The following MYO1H variants were observed in gnomAD, a reference collection of about 807,000 sequenced individuals.
MYO1H encodes unconventional myosin-Ih.
MYO1H carries 118 observed loss-of-function variants against 149.3 expected under a neutral mutation model. The ratio of observed to expected loss-of-function variants is 0.79; its 90% CI spans 0.68 to 0.92. The LOEUF is 0.92. MYO1H is among the 40% of genes least tolerant of loss of function. MYO1H has a pLI of 0.00. For missense variants in MYO1H, 1,212 were observed against 1,280.7 expected, an observed-to-expected ratio of 0.95 and a Z score of 0.82; for synonymous variants, 447 against 465.2, an observed-to-expected ratio of 0.96 and a Z score of 0.50.
chr12:109,406,925 G>T, intron 9 of MYO1H, 65 bp downstream of exon 9: 4 of 1,465,718 alleles, frequency 2.7e-6, no homozygotes, highest in Non-Finnish European at 3.8e-6. Context: ...CTCGATAACA[G>T]CAGGGTGGTG....
intron 8 of MYO1H, 35 bp from the exon 9 acceptor site, chr12:109,406,754 C>T (rs779637893): frequency 1.9e-5 from 30 of 1,595,690 alleles, no homozygotes; most frequent in Non-Finnish European, 2.5e-5. Flanking sequence ...AAAACTGCGT[C>T]ACTGAATAGC....
chr12:109,343,192 G>A (rs2048092245), upstream of MYO1H, among the ~76,000 whole-genome samples: 1 of 152,208 alleles, frequency 6.6e-6, no homozygotes, highest in South Asian at 2.1e-4. Context: ...CACAAATAGT[G>A]CCTGAAGTAA....
intron 24 of MYO1H, 61 bp from the exon 25 acceptor site, chr12:109,440,683 C>T (rs928403467): frequency 2.2e-5 from 27 of 1,217,098 alleles, no homozygotes; most frequent in African/African-American, 2.0e-4. Flanking sequence ...TCATTTTGAT[C>T]GCCACAGCCC....
At chr12:109,441,749 C>A in intron 26 of MYO1H, 41 bp downstream of exon 26, 2 of 1,466,138 alleles carry the variant, frequency 1.4e-6, no homozygotes, top group African/African-American at 1.4e-5. Context: ...CTTTCCAATT[C>A]TAAAAGGAGT....
the MYO1H span, among the ~76,000 whole-genome samples, chr12:109,334,968 G>T: frequency 6.6e-6 from 1 of 152,156 alleles, no homozygotes. Flanking sequence ...TGGCAACCAA[G>T]TAATCTATTC....
At chr12:109,340,356 A>T in the MYO1H span, among the ~76,000 whole-genome samples, 2 of 152,084 alleles carry the variant, frequency 1.3e-5, no homozygotes, top group African/African-American at 4.8e-5. Flanking sequence ...TTTAATAGAG[A>T]TAGGGTTTCA....
chr12:109,365,433 C>T (rs764659856), intron 1 of MYO1H, among the ~76,000 whole-genome samples: 15 of 152,164 alleles, frequency 9.9e-5, no homozygotes, highest in Non-Finnish European at 1.9e-4. Context: ...GTAGATCAAG[C>T]GTCTATTTAG....
At chr12:109,366,969 A>G (rs1445256516) in intron 1 of MYO1H, among the ~76,000 whole-genome samples, 2 of 152,212 alleles carry the variant, frequency 1.3e-5, no homozygotes, top group Admixed American at 6.5e-5. Flanking sequence ...GAGATGCTCA[A>G]CCAGCAAGCA....
intron 6 of MYO1H, among the ~76,000 whole-genome samples, chr12:109,401,982 C>T (rs75537718): frequency 0.079 from 12,032 of 152,118 alleles, 567 homozygotes; most frequent in Middle Eastern, 0.12. Context: ...TAGAGAGATC[C>T]GCCTGCCTCA....
At chr12:109,388,827 A>G in exon 2 of MYO1H, 1 of 1,612,358 alleles carries the variant, frequency 6.2e-7, no homozygotes, top group Non-Finnish European at 8.5e-7. Flanking sequence ...CAAGCGTTTC[A>G]GCGAGAACCT....
chr12:109,321,347 C>T, the MYO1H span, among the ~76,000 whole-genome samples: 3 of 151,930 alleles, frequency 2.0e-5, no homozygotes, highest in Non-Finnish European at 2.9e-5. Context: ...GTCAGGAGTT[C>T]GAGACCAGCC....
exon 14 of MYO1H, chr12:109,411,899 A>G: frequency 6.2e-7 from 1 of 1,601,312 alleles, no homozygotes; most frequent in Non-Finnish European, 8.5e-7. Context: ...TGAAGGATGA[A>G]GAATGCATTC....
At chr12:109,413,726 A>G (rs999916597) in intron 14 of MYO1H, among the ~76,000 whole-genome samples, 5 of 152,144 alleles carry the variant, frequency 3.3e-5, no homozygotes, top group African/African-American at 1.2e-4. Context: ...CCTGACCAAC[A>G]TGGTGAAACC....
intron 19 of MYO1H, among the ~76,000 whole-genome samples, chr12:109,432,412 C>G (rs200711611): frequency 2.0e-5 from 3 of 152,278 alleles, no homozygotes; most frequent in East Asian, 1.9e-4. Flanking sequence ...CATGAGGCAC[C>G]ATACCCGGTC....
chr12:109,416,620 C>T (rs1028998782), intron 15 of MYO1H, among the ~76,000 whole-genome samples: 1 of 151,988 alleles, frequency 6.6e-6, no homozygotes, highest in African/African-American at 2.4e-5. Flanking sequence ...ATGAATATGT[C>T]GGTATGAGTT....
At chr12:109,327,629 G>A in the MYO1H span, among the ~76,000 whole-genome samples, 9 of 149,452 alleles carry the variant, frequency 6.0e-5, no homozygotes, top group African/African-American at 1.7e-4. Flanking sequence ...GCCTGTGATC[G>A]CAGCTACTCA....
intron 9 of MYO1H, among the ~76,000 whole-genome samples, chr12:109,407,347 G>A (rs1409049390): frequency 6.6e-6 from 1 of 152,000 alleles, no homozygotes; most frequent in East Asian, 1.9e-4. Flanking sequence ...GTGTGTCTGG[G>A]TTACAGCTGT....
At chr12:109,319,559 A>G in the MYO1H span, among the ~76,000 whole-genome samples, 1 of 152,350 alleles carries the variant, frequency 6.6e-6, no homozygotes, top group East Asian at 1.9e-4. Flanking sequence ...TTGGTAAACA[A>G]TGTTAGGTGG....
At chr12:109,405,895 GTC>G (rs1870360521) in intron 7 of MYO1H, 25 bp from the exon 8 acceptor site, 1 of 1,513,494 alleles carries the variant, frequency 6.6e-7, no homozygotes, top group Non-Finnish European at 9.2e-7. Flanking sequence ...CTGATCTCCT[GTC>G]TCTGAACACT....
Sources: allele counts gnomAD v4.1 joint callset (sites outside exome capture counted in the v4.1 genomes callset), GRCh38; gene constraint gnomAD v4.1.1; transcripts MANE v1.5; gene names NCBI Gene and HGNC (gene_info 2026-07-23, HGNC 2026-07-21).